ZNF804B: variants seen among roughly 807,000 people sequenced by gnomAD.
The protein encoded by ZNF804B is zinc finger 804B.
In ZNF804B, 80 loss-of-function variants were observed where a neutral mutation model predicts 101.4. That is an observed-to-expected ratio of 0.79 (90% confidence interval 0.66 to 0.95). ZNF804B has a LOEUF of 0.95. Ranked by LOEUF, ZNF804B falls within the 40% of genes least tolerant of loss-of-function variation. ZNF804B has a pLI of 0.00. For missense variants in ZNF804B, 1,673 were observed against 1,561.9 expected (o/e 1.07, Z -1.20); for synonymous variants, 622 against 558.8 (o/e 1.11, Z -1.59).
intron 1 of ZNF804B, among the ~76,000 whole-genome samples, chr7:88,986,836 G>C (rs1793765350): frequency 6.6e-6 from 1 of 152,050 alleles, no homozygotes; most frequent in Non-Finnish European, 1.5e-5. Context: ...TACAAAAGAA[G>C]AGTAAGCTCA....
At chr7:88,812,678 GTA>G (rs1264359895) in intron 1 of ZNF804B, among the ~76,000 whole-genome samples, 1 of 152,176 alleles carries the variant, frequency 6.6e-6, no homozygotes, top group Non-Finnish European at 1.5e-5. Flanking sequence ...ATGTACATGT[GTA>G]TGTACGTATA....
At chr7:89,310,674 G>A (rs117473886) in intron 2 of ZNF804B, among the ~76,000 whole-genome samples, 2,735 of 152,272 alleles carry the variant, frequency 0.018, 47 homozygotes, top group Non-Finnish European at 0.023. Flanking sequence ...GTATAAAAGA[G>A]TGGGAGGATG....
Position 89,333,458 on chromosome 7 carries a change from T to A in ZNF804B, c.476T>A (p.Val159Glu), listed in dbSNP as rs888184927. Residue 159 changes from valine (V) to glutamate (E), a missense_variant, in exon 4 of 4, where the codon GTA (valine) becomes GAA (glutamate). Transcript: ENST00000333190. ...TTCCCCATTAAGAATGGCAGAAAGG[T>A]ATCATGCATGAAGAGTGCTCTTCTC... ...GIFPIKNGRKVSCMKSALLLK... is the reference protein window; with the variant it reads ...GIFPIKNGRKESCMKSALLLK... 6.2e-7 allele frequency: 1 copy of A among 1,613,114 alleles called. No individual in the cohort carries two copies. Among genetic ancestry groups the A allele is most frequent in the Admixed American group, 1.7e-5 (1 of 59,838 alleles).
At chr7:89,240,411 T>G (rs190648986) in intron 2 of ZNF804B, among the ~76,000 whole-genome samples, 10 of 152,158 alleles carry the variant, frequency 6.6e-5, no homozygotes, top group African/African-American at 2.2e-4. Flanking sequence ...AAGTTTTTTT[T>G]TCTCTCTTTC....
At chr7:89,056,621 T>A (rs563195891) in intron 1 of ZNF804B, among the ~76,000 whole-genome samples, 9 of 152,092 alleles carry the variant, frequency 5.9e-5, no homozygotes, top group Non-Finnish European at 1.2e-4. Context: ...AAAAGCATAA[T>A]ACCAACCAAA....
chr7:89,186,840 T>C (rs1788381808), intron 1 of ZNF804B, among the ~76,000 whole-genome samples: 1 of 152,178 alleles, frequency 6.6e-6, no homozygotes, highest in Non-Finnish European at 1.5e-5. Flanking sequence ...AGCAGTTGTG[T>C]TGCATTTTTG....
chr7:89,228,215 C>A (rs1042326773), intron 2 of ZNF804B, among the ~76,000 whole-genome samples: 1 of 150,674 alleles, frequency 6.6e-6, no homozygotes, highest in Non-Finnish European at 1.5e-5. Flanking sequence ...TGTTACAGCT[C>A]ATAAAGGCAG....
At position 89,218,409 on chromosome 7, in the gene ZNF804B, A is replaced by T. The variant is rs145481749; in HGVS notation, c.249+114A>T. The stretch of plus-strand genomic sequence containing the variant: ...TAAGACTGTGAGGTAAGAACATTTT[A>T]TGTCTTTTTTCCCCCCTGGAAAGGT... On this transcript the variant is annotated intron_variant, in intron 2 of 3. Transcript: ENST00000333190. 944 of 1,273,912 alleles carry T rather than the reference A, an allele frequency of 7.4e-4. 8 individuals carry two copies. The African/African-American group carries it at 0.013, about 18-fold the overall frequency. 78.9% of individuals were successfully genotyped at this position (1,273,912 alleles called of 1,614,324 possible). A position where few individuals can be genotyped will look rare whatever the true frequency, so the allele number is the denominator to read the frequency against.
At chr7:89,160,852 AC>A (rs1430247073) in intron 1 of ZNF804B, among the ~76,000 whole-genome samples, 2 of 152,152 alleles carry the variant, frequency 1.3e-5, no homozygotes, top group Non-Finnish European at 2.9e-5. Flanking sequence ...ATTCCCATTT[AC>A]TAGTTGACTA....
intron 1 of ZNF804B, among the ~76,000 whole-genome samples, chr7:88,823,323 G>T (rs1791010028): frequency 6.6e-6 from 1 of 152,178 alleles, no homozygotes; most frequent in Non-Finnish European, 1.5e-5. Flanking sequence ...AAAATACTCA[G>T]TGATCTCCAT....
intron 1 of ZNF804B, among the ~76,000 whole-genome samples, chr7:89,038,345 T>TA: frequency 6.6e-6 from 1 of 152,196 alleles, no homozygotes; most frequent in Admixed American, 6.6e-5. Context: ...GTCTTTTTGA[T>TA]AAAAAACATC....
intron 1 of ZNF804B, among the ~76,000 whole-genome samples, chr7:89,021,366 C>T (rs938798317): frequency 4.6e-5 from 7 of 152,130 alleles, no homozygotes; most frequent in African/African-American, 1.7e-4. Flanking sequence ...GATCAGCCAA[C>T]TGAGGGTGTG....
chr7:88,934,578 A>T (rs1039997809), intron 1 of ZNF804B, among the ~76,000 whole-genome samples: 8 of 151,892 alleles, frequency 5.3e-5, no homozygotes, highest in Admixed American at 4.6e-4. Flanking sequence ...AACAGAAGGC[A>T]AATGATATGA....
At chr7:88,970,344 G>GCC (rs3034350) in intron 1 of ZNF804B, among the ~76,000 whole-genome samples, 6 of 144,060 alleles carry the variant, frequency 4.2e-5, no homozygotes, top group Non-Finnish European at 7.6e-5. Flanking sequence ...TTATTCTGAT[G>GCC]CCCCCCCCCC....
chr7:88,846,787 T>C (rs1346110878), intron 1 of ZNF804B, among the ~76,000 whole-genome samples: 13 of 150,218 alleles, frequency 8.7e-5, no homozygotes, highest in Non-Finnish European at 1.9e-4. Flanking sequence ...TATATATGTA[T>C]ATATGTGTGT....
intron 2 of ZNF804B, among the ~76,000 whole-genome samples, chr7:89,294,211 G>C (rs1200242783): frequency 6.6e-6 from 1 of 152,122 alleles, no homozygotes; most frequent in Non-Finnish European, 1.5e-5. Flanking sequence ...GACCTTATCA[G>C]ATTTCTGCAT....
intron 2 of ZNF804B, among the ~76,000 whole-genome samples, chr7:89,307,841 G>T (rs1164287865): frequency 2.0e-5 from 3 of 151,840 alleles, no homozygotes; most frequent in Non-Finnish European, 4.4e-5. Context: ...GTTTATTTAG[G>T]AACACAGATA....
chr7:89,260,289 C>T (rs1584088945), intron 2 of ZNF804B, among the ~76,000 whole-genome samples: 1 of 152,078 alleles, frequency 6.6e-6, no homozygotes, highest in Middle Eastern at 3.4e-3. Context: ...CCTATCCCTT[C>T]TTGTCTTAAA....
intron 1 of ZNF804B, among the ~76,000 whole-genome samples, chr7:88,770,041 G>T (rs938114210): frequency 2.6e-5 from 4 of 152,100 alleles, no homozygotes; most frequent in African/African-American, 9.7e-5. Flanking sequence ...TTTATCAGTT[G>T]TTAATAGATA....
Sources: gnomAD v4.1 joint callset for allele counts (sites outside exome capture counted in the v4.1 genomes callset) on GRCh38, gnomAD v4.1.1 for gene constraint, MANE v1.5 for transcripts, NCBI Gene and HGNC (gene_info 2026-07-23, HGNC 2026-07-21) for gene names.